Variants in EIF4ENIF1 observed in about 807,000 individuals in gnomAD.
EIF4ENIF1 encodes the protein eukaryotic translation initiation factor 4E nuclear import factor 1, also known as eukaryotic translation initiation factor 4E transporter.
A neutral mutation model predicts 110.5 loss-of-function variants in EIF4ENIF1; 23 were observed. That is an observed-to-expected ratio of 0.21 (90% CI 0.15 to 0.29). The LOEUF (loss-of-function observed/expected upper bound fraction) is 0.29, where lower values mean the gene tolerates loss of function less well. Ranked by LOEUF, EIF4ENIF1 falls within the 10% of genes least tolerant of loss-of-function variation. The probability of loss-of-function intolerance (pLI) is 1.00; values close to 1 mark genes in which losing one functional copy is unlikely to be tolerated. For missense variants in EIF4ENIF1, 1,031 were observed against 1,221.1 expected (o/e 0.84, Z 2.32); for synonymous variants, 440 against 437.0 (o/e 1.01, Z -0.09).
intron 2 of EIF4ENIF1, among the ~76,000 whole-genome samples, chr22:31,478,949 CAA>C (rs377466384): frequency 5.6e-4 from 50 of 89,214 alleles, no homozygotes; most frequent in African/African-American, 1.4e-3. Context: ...GAGACTGTTT[CAA>C]AAAAAAAAAA....
At chr22:31,466,436 T>C (rs1282026099) in intron 4 of EIF4ENIF1, among the ~76,000 whole-genome samples, 1 of 117,204 alleles carries the variant, frequency 8.5e-6, no homozygotes, top group Admixed American at 8.3e-5. Flanking sequence ...AAAAATTAGC[T>C]GGGCACGGTG....
At chr22:31,484,163 G>A (rs907074540) in intron 2 of EIF4ENIF1, among the ~76,000 whole-genome samples, 2 of 152,118 alleles carry the variant, frequency 1.3e-5, no homozygotes, top group African/African-American at 2.4e-5. Context: ...TTGGGAGTGG[G>A]TTAAAAAGTA....
chr22:31,491,025 G>GT (rs539907855), upstream of EIF4ENIF1, among the ~76,000 whole-genome samples: 25 of 151,960 alleles, frequency 1.6e-4, no homozygotes, highest in Admixed American at 2.0e-4. Context: ...CTTACAAACT[G>GT]TTTTTTTACA....
In EIF4ENIF1 at chr22:31,443,061, G is replaced by A. The variant is rs757610494; in HGVS notation, c.2107C>T (p.Arg703Cys). 7 of 1,613,956 alleles carry A rather than the reference G, an allele frequency of 4.3e-6. No individual in the cohort carries two copies. The highest frequency in any genetic ancestry group is 5.1e-6 in the Non-Finnish European group (6 of 1,180,026). ...SPSFTPTSVI[R>C]KMYESKEKSK... Reference sequence around the variant, plus strand: ...TTCTCTTTGCTCTCGTACATCTTACGAATCACTGAGGTAGGGGTAAAGGAA... The same window carrying A: ...TTCTCTTTGCTCTCGTACATCTTACAAATCACTGAGGTAGGGGTAAAGGAA... The change falls in exon 16 of 19, where the codon CGT (arginine) becomes TGT (cysteine). Residue 703 changes from arginine (R) to cysteine (C), a missense_variant. Transcript: ENST00000330125.
In EIF4ENIF1 at chr22:31,467,277, T is replaced by C. The variant is rs9621267; in HGVS notation, c.298+898A>G. ...TGACAGACTGTGTAGAAGGGTCTTATAGCTTAAACTAGAGCCGGGCTATCT... is the reference window on the plus strand; with the variant it reads ...TGACAGACTGTGTAGAAGGGTCTTACAGCTTAAACTAGAGCCGGGCTATCT... On this transcript the variant is annotated intron_variant, in intron 4 of 18. Coordinates refer to ENST00000330125, the MANE Select transcript of EIF4ENIF1 (RefSeq NM_019843.4). Among the ~76,000 whole-genome samples the C allele has an allele frequency of 6.3e-3, 957 of 152,298 alleles. 11 individuals are homozygous for C. Among genetic ancestry groups the C allele is most frequent in the African/African-American group, 0.021 (878 of 41,558 alleles).
chr22:31,452,723 T>C (rs2050711861), intron 10 of EIF4ENIF1, among the ~76,000 whole-genome samples: 2 of 152,228 alleles, frequency 1.3e-5, no homozygotes, highest in African/African-American at 4.8e-5. Context: ...AGTCTGATCT[T>C]CATTTGAAAG....
intron 5 of EIF4ENIF1, among the ~76,000 whole-genome samples, 172 bp downstream of exon 5, chr22:31,463,509 C>T (rs961600538): frequency 3.3e-5 from 5 of 151,880 alleles, no homozygotes; most frequent in Admixed American, 6.6e-5. Context: ...GGAGAAACCC[C>T]GTCTCTACTA....
chr22:31,448,387 A>G (rs2012451), intron 12 of EIF4ENIF1, among the ~76,000 whole-genome samples, 155 bp from the exon 13 acceptor site: 1 of 151,998 alleles, frequency 6.6e-6, no homozygotes, highest in Non-Finnish European at 1.5e-5. Flanking sequence ...GTGCCCCAAC[A>G]GTGGGCTATG....
rs1569059031 is a variant in EIF4ENIF1 at position 31,440,141 on chromosome 22, T to G, written c.2717-20A>C. The G allele has an allele frequency of 6.2e-7, 1 of 1,614,076 alleles. No homozygotes were observed. Among genetic ancestry groups the G allele is most frequent in the Non-Finnish European group, 8.5e-7 (1 of 1,179,988 alleles). ...GCAGAACTGTGGAGATAAGAAGGGT[T>G]ATCATTCACAGCATGAGAAGGAAAG... is the stretch of plus-strand genomic sequence containing the variant. On this transcript the variant is annotated intron_variant, in intron 18 of 18. Coordinates refer to ENST00000330125, the MANE Select transcript of EIF4ENIF1 (RefSeq NM_019843.4).
rs748310933 is a variant in EIF4ENIF1 at position 31,462,996 on chromosome 22, C to T, written c.723G>A (p.Lys241=). The change falls in exon 6 of 19, where the codon AAG becomes AAA. Residue 241 remains lysine, a synonymous_variant. Coordinates refer to ENST00000330125, the MANE Select transcript of EIF4ENIF1 (RefSeq NM_019843.4). ...TCCCTTTGTGATCTTCTTCTAGTAT[C>T]TTATCATCAAAGCCAGTCAGTTCGA... ...ETIELTGFDD[K]ILEEDHKGRK... The T allele has an allele frequency of 9.3e-6, 15 of 1,614,012 alleles. No individual in the cohort carries two copies. In the East Asian group the frequency reaches 3.1e-4, roughly 34 times the overall value.
intron 2 of EIF4ENIF1, among the ~76,000 whole-genome samples, chr22:31,482,674 G>A (rs764652018): frequency 1.8e-4 from 27 of 149,994 alleles, no homozygotes; most frequent in Non-Finnish European, 3.1e-4. Flanking sequence ...AGAGTGAGAC[G>A]CGGTCTCAAA....
intron 3 of EIF4ENIF1, among the ~76,000 whole-genome samples, 167 bp from the exon 4 acceptor site, chr22:31,468,469 A>T (rs2051263485): frequency 6.6e-6 from 1 of 152,104 alleles, no homozygotes; most frequent in African/African-American, 2.4e-5. Context: ...ATCTCAGCTC[A>T]CTGCACCCTC....
At chr22:31,492,826 G>C (rs12169159), upstream of EIF4ENIF1, among the ~76,000 whole-genome samples, 1 of 152,224 alleles carries the variant, frequency 6.6e-6, no homozygotes, top group East Asian at 1.9e-4. Context: ...CTGCCTCCCA[G>C]GTTCAAGTGA....
At position 31,447,562 on chromosome 22, in the gene EIF4ENIF1, T is replaced by C; in HGVS notation, c.1852A>G (p.Ser618Gly). 6.2e-7 allele frequency: 1 copy of C among 1,602,124 alleles called. No individual in the cohort carries two copies. The change falls in exon 14 of 19, where the codon AGC becomes GGC. Residue 618 changes from serine to glycine, a missense_variant. This residue lies in a region of EIF4ENIF1 where 704 missense variants were observed against 879.7 expected (regional missense o/e 0.80). Coordinates refer to ENST00000330125, the MANE Select transcript of EIF4ENIF1 (RefSeq NM_019843.4). ...KPMSPITAQM[S>G]QLELQQAALE... is the part of the protein sequence containing the mutation. Reference sequence around the variant, plus strand: ...GCTGCCTGTTGCAACTCCAGCTGGCTCATCTGCTGAAAAGGAGAGGGGAGG... The same window carrying C: ...GCTGCCTGTTGCAACTCCAGCTGGCCCATCTGCTGAAAAGGAGAGGGGAGG...
At chr22:31,461,896 G>A (rs961437274) in intron 6 of EIF4ENIF1, 1 of 152,088 alleles carries the variant, frequency 6.6e-6, no homozygotes, top group Non-Finnish European at 1.5e-5. Flanking sequence ...AGTTACTTAA[G>A]CCCTCTGAGC....
intron 4 of EIF4ENIF1, among the ~76,000 whole-genome samples, chr22:31,465,853 C>CG (rs1279736715): frequency 6.6e-6 from 1 of 152,188 alleles, no homozygotes; most frequent in African/African-American, 2.4e-5. Flanking sequence ...ACTAGACACT[C>CG]AACAACGTGG....
At chr22:31,452,378 C>T (rs1198016369) in intron 10 of EIF4ENIF1, among the ~76,000 whole-genome samples, 1 of 152,208 alleles carries the variant, frequency 6.6e-6, no homozygotes, top group Non-Finnish European at 1.5e-5. Context: ...TTTGCCTAGC[C>T]ACTTGAATGT....
In EIF4ENIF1 at chr22:31,480,769, AC is replaced by A. The variant is rs2051788239; in HGVS notation, c.96+7853del. On this transcript the variant is annotated intron_variant, in intron 2 of 18. Coordinates refer to ENST00000330125, the MANE Select transcript of EIF4ENIF1 (RefSeq NM_019843.4). Reference sequence around the variant, plus strand: ...AAACTCCCTCTGAAAACAAAACAAAACCGAACAGGCAGGGGCCGGGTGCAGT... The same window carrying A: ...AAACTCCCTCTGAAAACAAAACAAAACGAACAGGCAGGGGCCGGGTGCAGT... Among the ~76,000 whole-genome samples, 7 of 151,580 alleles carry A rather than the reference AC, an allele frequency of 4.6e-5. No individual in the cohort carries two copies. The South Asian group carries it at 1.5e-3, about 32-fold the overall frequency.
chr22:31,488,712 T>C lies in EIF4ENIF1; in HGVS notation c.7A>G (p.Arg3Gly). Residue 3 changes from arginine to glycine, a missense_variant, in exon 2 of 19, where the codon AGG becomes GGG. By Grantham distance (125) the Arg-to-Gly change is moderately radical. This residue lies in a region of EIF4ENIF1 where 704 missense variants were observed against 879.7 expected (regional missense o/e 0.80). Transcript: ENST00000330125. Reference protein sequence around the residue: MDRRSMGETESGD... With the variant: MDGRSMGETESGD... The stretch of plus-strand genomic sequence containing the variant: ...CTTTCTGTTTCACCCATACTTCTCC[T>C]ATCCATGGCTCCTTGGTCTACAATG... The C allele has an allele frequency of 6.2e-7, 1 of 1,614,092 alleles. No homozygotes were observed. Among genetic ancestry groups the C allele is most frequent in the Non-Finnish European group, 8.5e-7 (1 of 1,179,986 alleles).
Sources: gnomAD v4.1 joint callset for allele counts (sites outside exome capture counted in the v4.1 genomes callset) on GRCh38, gnomAD v4.1.1 for gene constraint, gnomAD v4.1.1 regional missense constraint, MANE v1.5 for transcripts, NCBI Gene and HGNC (gene_info 2026-07-23, HGNC 2026-07-21) for gene names.